TSPAN12: variants seen among roughly 807,000 people sequenced by gnomAD.
TSPAN12 encodes the protein tetraspanin-12.
In TSPAN12, 19 loss-of-function variants were observed where a neutral mutation model predicts 39.2. The ratio of observed to expected loss-of-function variants is 0.49; its 90% CI spans 0.34 to 0.71. The LOEUF is 0.71. TSPAN12 is among the 30% of genes least tolerant of loss of function. The probability of loss-of-function intolerance (pLI) is 0.01; values close to 1 mark genes in which losing one functional copy is unlikely to be tolerated. For missense variants in TSPAN12, 314 were observed against 359.9 expected (o/e 0.87, Z 1.03); for synonymous variants, 119 against 124.8 (o/e 0.95, Z 0.31).
intron 5 of TSPAN12, among the ~76,000 whole-genome samples, chr7:120,813,137 A>C (rs2116377681): frequency 6.6e-6 from 1 of 152,358 alleles, no homozygotes; most frequent in South Asian, 2.1e-4. Flanking sequence ...AGCTAAAAGC[A>C]CAAAGCCCAT....
At chr7:120,852,244 TA>T (rs1179193151) in intron 2 of TSPAN12, among the ~76,000 whole-genome samples, 1 of 151,980 alleles carries the variant, frequency 6.6e-6, no homozygotes, top group African/African-American at 2.4e-5. Flanking sequence ...ACCAATATAG[TA>T]AAAATAGATT....
At chr7:120,834,939 T>C (rs1037838416) in intron 4 of TSPAN12, among the ~76,000 whole-genome samples, 1 of 152,188 alleles carries the variant, frequency 6.6e-6, no homozygotes, top group East Asian at 1.9e-4. Context: ...CCTTGTAATC[T>C]AACCTTTTCT....
intron 5 of TSPAN12, among the ~76,000 whole-genome samples, chr7:120,812,189 A>G (rs2116372556): frequency 6.6e-6 from 1 of 152,358 alleles, no homozygotes; most frequent in Non-Finnish European, 1.5e-5. Flanking sequence ...ATACAGTACC[A>G]CAGTCATTGT....
At chr7:120,792,421 G>A (rs1030577972) in intron 7 of TSPAN12, among the ~76,000 whole-genome samples, 1 of 152,180 alleles carries the variant, frequency 6.6e-6, no homozygotes, top group Non-Finnish European at 1.5e-5. Flanking sequence ...GAGGCAGTTG[G>A]TAACAGTTGT....
chr7:120,802,171 G>C (rs1793784840), intron 7 of TSPAN12, among the ~76,000 whole-genome samples: 1 of 152,198 alleles, frequency 6.6e-6, no homozygotes, highest in African/African-American at 2.4e-5. Context: ...CTTAAACTCT[G>C]AGTCTGATAT....
intron 4 of TSPAN12, among the ~76,000 whole-genome samples, chr7:120,827,763 C>T (rs975281149): frequency 6.6e-6 from 1 of 152,134 alleles, no homozygotes; most frequent in East Asian, 1.9e-4. Context: ...AAAGTTTATT[C>T]GTAAAAATTT....
chr7:120,815,590 C>A lies in TSPAN12; in HGVS notation c.360+139G>T. ...GTTTCCTGAGGCCTCCCCAGCCATGCTGAACTGTGAGTTAATTTACAAATT... is the reference window on the plus strand; with the variant it reads ...GTTTCCTGAGGCCTCCCCAGCCATGATGAACTGTGAGTTAATTTACAAATT... On this transcript the variant is annotated intron_variant, in intron 5 of 7. Coordinates refer to ENST00000222747, the MANE Select transcript of TSPAN12 (RefSeq NM_012338.4). 6 of 810,256 alleles carry A rather than the reference C, an allele frequency of 7.4e-6. No individual in the cohort carries two copies. In the South Asian group the frequency reaches 7.6e-5, roughly 10 times the overall value. 50.2% of individuals were successfully genotyped at this position (810,256 alleles called of 1,614,324 possible).
At chr7:120,806,429 A>G in intron 7 of TSPAN12, 120 bp downstream of exon 7, 8 of 1,105,564 alleles carry the variant, frequency 7.2e-6, no homozygotes, top group Non-Finnish European at 1.0e-5. Context: ...ATTAGAGAAA[A>G]ATTTTAAGGC....
intron 4 of TSPAN12, among the ~76,000 whole-genome samples, chr7:120,837,128 T>C (rs1278726167): frequency 1.3e-5 from 2 of 152,176 alleles, no homozygotes; most frequent in African/African-American, 4.8e-5. Context: ...TCTACTCAAA[T>C]TATAGAAGGT....
chr7:120,817,914 G>T (rs1222180305), intron 4 of TSPAN12, among the ~76,000 whole-genome samples: 1 of 152,056 alleles, frequency 6.6e-6, no homozygotes, highest in East Asian at 1.9e-4. Context: ...CATAATAGGT[G>T]TTCAACGAGT....
chr7:120,794,470 G>A (rs150190840), intron 7 of TSPAN12, among the ~76,000 whole-genome samples: 1 of 152,194 alleles, frequency 6.6e-6, no homozygotes, highest in Non-Finnish European at 1.5e-5. Context: ...AAAGTGTGTA[G>A]CACCACCCCC....
intron 7 of TSPAN12, among the ~76,000 whole-genome samples, chr7:120,795,414 T>C (rs756600214): frequency 6.6e-6 from 1 of 152,212 alleles, no homozygotes; most frequent in Non-Finnish European, 1.5e-5. Context: ...TGGAATCTAT[T>C]TGAAGCCATG....
chr7:120,811,357 C>A (rs1223422077), intron 5 of TSPAN12, among the ~76,000 whole-genome samples: 3 of 152,122 alleles, frequency 2.0e-5, no homozygotes, highest in African/African-American at 7.2e-5. Context: ...GCCCATCAAT[C>A]AATGAGTGGA....
chr7:120,835,205 A>C (rs958524164), intron 4 of TSPAN12, among the ~76,000 whole-genome samples: 1 of 152,200 alleles, frequency 6.6e-6, no homozygotes, highest in Non-Finnish European at 1.5e-5. Context: ...TAGGCTTCAA[A>C]AGTTGGGAAA....
chr7:120,840,138 C>A (rs1292306140), intron 2 of TSPAN12, 29 bp from the exon 3 acceptor site: 1 of 1,532,464 alleles, frequency 6.5e-7, no homozygotes, highest in East Asian at 2.2e-5. Flanking sequence ...AAACCGGTTA[C>A]CAAAGATTTA....
intron 2 of TSPAN12, among the ~76,000 whole-genome samples, chr7:120,853,282 C>T (rs369727007): frequency 3.6e-4 from 54 of 151,480 alleles, no homozygotes. Flanking sequence ...TTAGTAGAGA[C>T]AGGGTTTCAC....
chr7:120,812,196 T>G (rs772872816), intron 5 of TSPAN12, among the ~76,000 whole-genome samples: 1 of 152,244 alleles, frequency 6.6e-6, no homozygotes, highest in African/African-American at 2.4e-5. Flanking sequence ...ACCACAGTCA[T>G]TGTTGTAATA....
chr7:120,854,439 T>C (rs189844394), intron 2 of TSPAN12, among the ~76,000 whole-genome samples: 34 of 152,332 alleles, frequency 2.2e-4, no homozygotes, highest in Non-Finnish European at 1.5e-5. Context: ...ATAGCACTTA[T>C]TATGTGCCAC....
intron 4 of TSPAN12, 30 bp from the exon 5 acceptor site, chr7:120,815,833 T>C: frequency 6.3e-7 from 1 of 1,589,260 alleles, no homozygotes; most frequent in Non-Finnish European, 8.6e-7. Context: ...TATGCTGTTA[T>C]AGTATCAGAA....
Sources: gnomAD v4.1 joint callset for allele counts (sites outside exome capture counted in the v4.1 genomes callset) on GRCh38, gnomAD v4.1.1 for gene constraint, MANE v1.5 for transcripts, NCBI Gene and HGNC (gene_info 2026-07-23, HGNC 2026-07-21) for gene names.